USP9Y: variants seen among roughly 807,000 people sequenced by gnomAD.
USP9Y encodes the protein ubiquitin specific peptidase 9 Y-linked, also known as ubiquitin carboxyl-terminal hydrolase 9Y.
In USP9Y, 41 loss-of-function variants were observed where a neutral mutation model predicts 53.1. That is an observed-to-expected ratio of 0.77 (90% CI 0.60 to 1.00). The LOEUF (loss-of-function observed/expected upper bound fraction) is 1.00. USP9Y is among the 50% of genes least tolerant of loss of function. USP9Y has a pLI of 0.00. For synonymous variants in USP9Y, 220 were observed against 173.7 expected, an observed-to-expected ratio of 1.27 and a Z score of -2.09; for missense variants, 567 against 535.8, an observed-to-expected ratio of 1.06 and a Z score of -0.58.
At chrY:12,852,340 A>T in intron 42 of USP9Y, among the ~76,000 whole-genome samples, 5 of 32,959 alleles carry the variant, frequency 1.5e-4, no homozygotes, top group Non-Finnish European at 1.5e-4. Context: ...CGTGTCCCAA[A>T]GTTCTCGTGC....
chrY:12,747,677 G>A, intron 12 of USP9Y, among the ~76,000 whole-genome samples: 1 of 34,377 alleles, frequency 2.9e-5, no homozygotes, highest in Non-Finnish European at 7.3e-5. Context: ...CCTGTTCACA[G>A]TCATATTCGG....
chrY:12,858,583 C>G (rs986198959), intron 45 of USP9Y, among the ~76,000 whole-genome samples: 14 of 33,805 alleles, frequency 4.1e-4, no homozygotes, highest in African/African-American at 1.4e-3. Flanking sequence ...CCTTGGCCCC[C>G]CAAAATGCTG....
chrY:12,731,365 A>G (rs2053447011), intron 7 of USP9Y, among the ~76,000 whole-genome samples: 1 of 33,421 alleles, frequency 3.0e-5, no homozygotes, highest in Non-Finnish European at 7.4e-5. Context: ...TGCAAAATTC[A>G]GTAAAGCAAA....
chrY:12,847,424 T>A, intron 42 of USP9Y, 97 bp downstream of exon 42: 14 of 201,980 alleles, frequency 6.9e-5, no homozygotes, highest in South Asian at 5.5e-4. Context: ...TCTTTGATAC[T>A]CCGCTTAATG....
Position 12,856,847 on chromosome Y carries a change from TA to T in USP9Y, c.7434+14del, listed in dbSNP as rs760325957. The T allele has an allele frequency of 8.0e-5, 12 of 149,333 alleles. No individual in the cohort carries two copies. Among genetic ancestry groups the T allele is most frequent in the East Asian group, 3.6e-4 (1 of 2,806 alleles). 37.2% of individuals were successfully genotyped at this position (149,333 alleles called of 400,897 possible). A position where few individuals can be genotyped will look rare whatever the true frequency, so the allele number is the denominator to read the frequency against. ...GCTTGTGAACTCTGTCCAGAAGAGGTAAAAAAAAAAAAGGCTACCAATGGAC... is the reference window on the plus strand; with the variant it reads ...GCTTGTGAACTCTGTCCAGAAGAGGTAAAAAAAAAAAGGCTACCAATGGAC... On this transcript the variant is annotated splice_donor_region_variant and intron_variant, in intron 44 of 45. Coordinates refer to ENST00000338981, the MANE Select transcript of USP9Y (RefSeq NM_004654.4).
At chrY:12,798,005 C>T in intron 27 of USP9Y, among the ~76,000 whole-genome samples, 2 of 30,855 alleles carry the variant, frequency 6.5e-5, no homozygotes, top group South Asian at 7.9e-4. Flanking sequence ...TTCCTTTCTC[C>T]TTCCCTTTTT....
intron 12 of USP9Y, 130 bp from the exon 13 acceptor site, chrY:12,757,062 G>A: frequency 5.1e-6 from 1 of 196,978 alleles, no homozygotes; most frequent in Non-Finnish European, 9.0e-6. Context: ...CTCTTGGGGT[G>A]TGTGTGTGTG....
At chrY:12,757,507 G>A (rs2053470066) in intron 13 of USP9Y, 109 bp downstream of exon 13, 1 of 228,549 alleles carries the variant, frequency 4.4e-6, no homozygotes, top group South Asian at 3.8e-5. Flanking sequence ...TTATTTTTGA[G>A]ACAGAGTCTC....
chrY:12,777,065 TTGG>T (rs2053493196), intron 19 of USP9Y, among the ~76,000 whole-genome samples: 1 of 33,335 alleles, frequency 3.0e-5, no homozygotes, highest in Non-Finnish European at 7.4e-5. Context: ...GATTTATATT[TTGG>T]TAAGGTATTT....
chrY:12,735,014 G>A (rs756436103), intron 7 of USP9Y, among the ~76,000 whole-genome samples: 2 of 26,105 alleles, frequency 7.7e-5, no homozygotes, highest in Admixed American at 3.7e-4. Context: ...AGGTTGCAGT[G>A]AGCTGAGATC....
In USP9Y at chrY:12,771,172, C is replaced by T. The variant is rs1284140965; in HGVS notation, c.1988+17C>T. On this transcript the variant is annotated intron_variant, in intron 16 of 45. Coordinates refer to ENST00000338981, the MANE Select transcript of USP9Y (RefSeq NM_004654.4). ...CTTCCTTAGGTTTGTTTTAAACCAT[C>T]AGTGCTATTCTTTTAAGGCACTGCA... is the stretch of plus-strand genomic sequence containing the variant. The T allele has an allele frequency of 6.0e-6, 2 of 335,404 alleles. No homozygotes were observed. Among genetic ancestry groups the T allele is most frequent in the Non-Finnish European group, 8.8e-6 (2 of 227,384 alleles). 83.7% of individuals were successfully genotyped at this position (335,404 alleles called of 400,897 possible).
At chrY:12,721,036 G>A in intron 4 of USP9Y, 1 of 72,251 alleles carries the variant, frequency 1.4e-5, no homozygotes, top group East Asian at 3.4e-4. Flanking sequence ...AGACAAATAG[G>A]TAGGTATTTT....
intron 27 of USP9Y, among the ~76,000 whole-genome samples, chrY:12,793,960 A>G: frequency 3.0e-5 from 1 of 33,308 alleles, no homozygotes; most frequent in African/African-American, 1.2e-4. Context: ...GAATATTACT[A>G]TGAGCACAGA....
chrY:12,825,890 TTTCTTTTCTTTTC>T, intron 33 of USP9Y, among the ~76,000 whole-genome samples: 1 of 7,567 alleles, frequency 1.3e-4, no homozygotes, highest in Admixed American at 1.0e-3. Flanking sequence ...AACAGTATAT[TTTCTTTTCTTTTC>T]TTTTCTTTTC....
At chrY:12,798,651 C>T in intron 27 of USP9Y, among the ~76,000 whole-genome samples, 2 of 32,569 alleles carry the variant, frequency 6.1e-5, no homozygotes, top group Middle Eastern at 0.013. Context: ...TGTTCAGGAG[C>T]GGAGGTTTAA....
At chrY:12,780,417 G>A in intron 22 of USP9Y, among the ~76,000 whole-genome samples, 1 of 32,348 alleles carries the variant, frequency 3.1e-5, no homozygotes, top group Admixed American at 2.9e-4. Flanking sequence ...CCTTTCCTTT[G>A]GTGGTCTTCT....
chrY:12,800,411 G>A (rs750681186), intron 27 of USP9Y, among the ~76,000 whole-genome samples: 23 of 33,570 alleles, frequency 6.9e-4, no homozygotes, highest in Non-Finnish European at 1.3e-3. Flanking sequence ...TCAGCCCCAC[G>A]GGGCAGTTTC....
intron 12 of USP9Y, 58 bp downstream of exon 12, chrY:12,739,687 G>GT (rs2053455823): frequency 1.4e-4 from 34 of 243,257 alleles, no homozygotes; most frequent in South Asian, 1.2e-3. Flanking sequence ...TTAATTCTAA[G>GT]TAAAGTTTAA....
intron 27 of USP9Y, among the ~76,000 whole-genome samples, chrY:12,804,387 A>C: frequency 3.0e-5 from 1 of 33,385 alleles, no homozygotes; most frequent in Non-Finnish European, 7.4e-5. Flanking sequence ...TCATGTAGAG[A>C]ACAAATAGTG....
Sources: allele counts gnomAD v4.1 joint callset (sites outside exome capture counted in the v4.1 genomes callset), GRCh38; gene constraint gnomAD v4.1.1; transcripts MANE v1.5; gene names NCBI Gene and HGNC (gene_info 2026-07-23, HGNC 2026-07-21).